The following TG variants were observed in gnomAD, a reference collection of about 807,000 sequenced individuals.
The protein encoded by TG is thyroglobulin, also known as thyroid hormones.
In TG, 270 loss-of-function variants were observed where a neutral mutation model predicts 324.7. The observed-to-expected ratio is 0.83, with a 90% CI of 0.75 to 0.92. The LOEUF is 0.92. Among genes scored for constraint, TG ranks in the 40% least tolerant of loss-of-function variants. The pLI is 0.00. For missense variants in TG, 3,591 were observed against 3,456.4 expected (o/e 1.04, Z -0.98); for synonymous variants, 1,401 against 1,327.0 (o/e 1.06, Z -1.21).
chr8:133,123,212 C>A (rs1851273905), intron 45 of TG, among the ~76,000 whole-genome samples: 1 of 151,950 alleles, frequency 6.6e-6, no homozygotes, highest in Admixed American at 6.6e-5. Context: ...GAAGTAGCAA[C>A]CCCTCTCCCA....
chr8:132,887,643 A>G lies in TG; in HGVS notation c.2176+95A>G, dbSNP rs1815615390. The G allele has an allele frequency of 3.9e-6, 6 of 1,523,602 alleles. No individual in the cohort carries two copies. In the East Asian group the frequency reaches 6.8e-5, roughly 17 times the overall value. The allele number at this position is 1,523,602 out of a possible 1,614,324, so 94.4% of individuals were successfully genotyped here. ...AGTAATAGAAATCCACTCCTGGCCA[A>G]TGCTTACACTTCAGTTAAGGACAAA... is the stretch of plus-strand genomic sequence containing the variant. On this transcript the variant is annotated intron_variant, in intron 9 of 47. Transcript: ENST00000220616.
Position 132,950,293 on chromosome 8 carries a change from G to A in TG, c.5401+1350G>A, listed in dbSNP as rs1266676035. Among the ~76,000 whole-genome samples the A allele has an allele frequency of 2.6e-5, 4 of 152,344 alleles. No individual in the cohort carries two copies. The East Asian group carries it at 7.7e-4, about 29-fold the overall frequency. ...CTCCACCTTCTGAGTTGAGAGCAGTGAAGGCATGTGCAGGTGCTGACCAGA... is the reference window on the plus strand; with the variant it reads ...CTCCACCTTCTGAGTTGAGAGCAGTAAAGGCATGTGCAGGTGCTGACCAGA... On this transcript the variant is annotated intron_variant, in intron 27 of 47. Transcript: ENST00000220616.
In TG at chr8:132,898,880, A is replaced by G; in HGVS notation, c.3300A>G (p.Pro1100=). The change falls in exon 14 of 48, where the codon CCA becomes CCG. Residue 1100 remains proline, a synonymous_variant. Transcript: ENST00000220616. ...CTAGATCCCAAGAAAACCCATCTCCAAAAGACCTGTTCGTCCCAGCCTGCC... is the reference window on the plus strand; with the variant it reads ...CTAGATCCCAAGAAAACCCATCTCCGAAAGACCTGTTCGTCCCAGCCTGCC... ...KQARSQENPS[P]KDLFVPACLE... The G allele has an allele frequency of 1.1e-5, 17 of 1,614,166 alleles. No individual in the cohort carries two copies. The highest frequency in any genetic ancestry group is 1.4e-5 in the Non-Finnish European group (17 of 1,180,024).
At chr8:132,994,792 G>T (rs1832716475) in intron 35 of TG, 1 of 1,287,732 alleles carries the variant, frequency 7.8e-7, no homozygotes, top group South Asian at 1.2e-5. Context: ...GGAGTACCTG[G>T]TGTCATGGGA....
At chr8:132,894,114 T>C (rs1309175096) in intron 11 of TG, among the ~76,000 whole-genome samples, 185 bp downstream of exon 11, 1 of 152,162 alleles carries the variant, frequency 6.6e-6, no homozygotes, top group African/African-American at 2.4e-5. Context: ...CACGCATCTC[T>C]AAAATGCTCC....
intron 35 of TG, among the ~76,000 whole-genome samples, chr8:132,984,644 T>C (rs569498125): frequency 1.4e-4 from 22 of 152,292 alleles, no homozygotes; most frequent in African/African-American, 4.6e-4. Context: ...AAAAGATTTA[T>C]GGTTTAAAAA....
chr8:132,932,124 T>G (rs1156384159), intron 23 of TG, among the ~76,000 whole-genome samples: 14 of 150,704 alleles, frequency 9.3e-5, no homozygotes, highest in Admixed American at 8.0e-4. Flanking sequence ...ATTATTTTTT[T>G]GGGGGGGGTG....
At chr8:133,073,455 C>T (rs1199903368) in intron 41 of TG, among the ~76,000 whole-genome samples, 1 of 152,104 alleles carries the variant, frequency 6.6e-6, no homozygotes, top group African/African-American at 2.4e-5. Context: ...CTCCACCTCT[C>T]GGGTTCAAGC....
chr8:133,015,027 G>A (rs560319777), intron 37 of TG, among the ~76,000 whole-genome samples: 1 of 152,270 alleles, frequency 6.6e-6, no homozygotes, highest in South Asian at 2.1e-4. Context: ...TGCATGCCAT[G>A]ATGCCCAGCT....
At chr8:132,955,469 G>A (rs1236471450) in intron 27 of TG, among the ~76,000 whole-genome samples, 1 of 152,176 alleles carries the variant, frequency 6.6e-6, no homozygotes, top group Admixed American at 6.5e-5. Flanking sequence ...GACCCGTTTT[G>A]AATCAAGCCA....
intron 5 of TG, among the ~76,000 whole-genome samples, chr8:132,878,580 AG>A (rs1449303703): frequency 6.6e-6 from 1 of 150,742 alleles, no homozygotes; most frequent in Admixed American, 6.6e-5. Context: ...ACTGCACTCC[AG>A]CCTGGTGACA....
rs1431578455 is a variant in TG, at chr8:132,929,163, C to T, written c.4787C>T (p.Ser1596Phe). 2 of 1,614,118 alleles carry T rather than the reference C, an allele frequency of 1.2e-6. No homozygotes were observed. Among genetic ancestry groups the T allele is most frequent in the South Asian group, 1.1e-5 (1 of 91,082 alleles). Reference protein sequence around the residue: ...PVAVRSKVPDSEFPVMQCLTD... With the variant: ...PVAVRSKVPDFEFPVMQCLTD... ...GCTGTCAGATCCAAAGTTCCTGATTCTGAGTTCCCCGTGATGCAGTGCTTG... is the reference window on the plus strand; with the variant it reads ...GCTGTCAGATCCAAAGTTCCTGATTTTGAGTTCCCCGTGATGCAGTGCTTG... The change falls in exon 23 of 48, where the codon TCT (serine) becomes TTT (phenylalanine). Residue 1596 changes from serine to phenylalanine, a missense_variant. By Grantham distance (155) the Ser-to-Phe change is radical. Coordinates refer to ENST00000220616, the MANE Select transcript of TG (RefSeq NM_003235.5).
intron 21 of TG, 131 bp downstream of exon 21, chr8:132,919,656 G>A: frequency 7.7e-7 from 1 of 1,302,548 alleles, no homozygotes; most frequent in South Asian, 1.2e-5. Context: ...CCTGTGCTTG[G>A]TAGGATATTT....
At chr8:132,959,806 G>A (rs1056704085) in intron 27 of TG, among the ~76,000 whole-genome samples, 2 of 152,162 alleles carry the variant, frequency 1.3e-5, no homozygotes, top group African/African-American at 4.8e-5. Flanking sequence ...ATATAAGGAA[G>A]GTTTTTGTGC....
intron 3 of TG, among the ~76,000 whole-genome samples, chr8:132,870,825 T>G (rs1388406696): frequency 6.6e-6 from 1 of 152,072 alleles, no homozygotes; most frequent in African/African-American, 2.4e-5. Context: ...TCAGCTCTTA[T>G]GGACACTAAT....
chr8:132,970,345 A>G (rs1275870018), intron 32 of TG, among the ~76,000 whole-genome samples: 2 of 152,080 alleles, frequency 1.3e-5, no homozygotes, highest in Non-Finnish European at 2.9e-5. Flanking sequence ...CTGAATGTGA[A>G]TTCTAATGGG....
At chr8:133,022,453 A>G (rs1835653757) in intron 40 of TG, among the ~76,000 whole-genome samples, 1 of 152,156 alleles carries the variant, frequency 6.6e-6, no homozygotes, top group Non-Finnish European at 1.5e-5. Flanking sequence ...TTGAGGCCCA[A>G]GAAGATTAGA....
intron 27 of TG, among the ~76,000 whole-genome samples, chr8:132,959,069 GCA>G (rs1184950454): frequency 1.3e-5 from 2 of 152,178 alleles, no homozygotes; most frequent in Non-Finnish European, 2.9e-5. Flanking sequence ...TCTCAATATT[GCA>G]CAGTCTGAGA....
At position 132,900,221 on chromosome 8, in the gene TG, C is replaced by T. The variant is rs1231572562; in HGVS notation, c.3331-16C>T. The T allele has an allele frequency of 6.2e-6, 10 of 1,611,894 alleles. No homozygotes were observed. Among genetic ancestry groups the T allele is most frequent in the Non-Finnish European group, 7.6e-6 (9 of 1,178,794 alleles). Reference sequence around the variant, plus strand: ...TCTTGCCCACAGTGACTGACATGACCCCGGCTTTGTCTCAGACAGGAGAGT... The same window carrying T: ...TCTTGCCCACAGTGACTGACATGACTCCGGCTTTGTCTCAGACAGGAGAGT... On this transcript the variant is annotated splice_polypyrimidine_tract_variant and intron_variant, in intron 14 of 47. Coordinates refer to ENST00000220616, the MANE Select transcript of TG (RefSeq NM_003235.5).
Sources: gnomAD v4.1 joint callset for allele counts (sites outside exome capture counted in the v4.1 genomes callset) on GRCh38, gnomAD v4.1.1 for gene constraint, MANE v1.5 for transcripts, NCBI Gene and HGNC (gene_info 2026-07-23, HGNC 2026-07-21) for gene names.